Variants in ROBO1 observed in about 807,000 individuals in gnomAD.
ROBO1 encodes roundabout homolog 1.
In ROBO1, 149 loss-of-function variants were observed where a neutral mutation model predicts 195.9. The ratio of observed to expected loss-of-function variants is 0.76; its 90% CI spans 0.67 to 0.87. ROBO1 has a LOEUF of 0.87. Among genes scored for constraint, ROBO1 ranks in the 40% least tolerant of loss-of-function variants. The pLI is 0.00. For synonymous variants in ROBO1, 816 were observed against 733.2 expected (o/e 1.11, Z -1.82); for missense variants, 1,933 against 2,068.3 (o/e 0.93, Z 1.27).
chr3:79,150,326 T>C (rs558906782), intron 2 of ROBO1, among the ~76,000 whole-genome samples: 1 of 151,614 alleles, frequency 6.6e-6, no homozygotes, highest in African/African-American at 2.4e-5. Flanking sequence ...AGACCAGAAA[T>C]CACAAGTCCA....
chr3:79,083,498 G>T (rs867532545), intron 3 of ROBO1, among the ~76,000 whole-genome samples: 1 of 152,028 alleles, frequency 6.6e-6, no homozygotes, highest in South Asian at 2.1e-4. Context: ...AAATAAACTG[G>T]CTGGAAAGCA....
chr3:78,669,843 G>A (rs1390519364), intron 11 of ROBO1, among the ~76,000 whole-genome samples: 2 of 151,874 alleles, frequency 1.3e-5, no homozygotes, highest in Non-Finnish European at 2.9e-5. Flanking sequence ...TACTTTCCTC[G>A]GTAGGTTCTT....
chr3:79,475,780 A>T (rs1448729275), intron 2 of ROBO1, among the ~76,000 whole-genome samples: 1 of 152,104 alleles, frequency 6.6e-6, no homozygotes, highest in African/African-American at 2.4e-5. Context: ...TAAAATGTGC[A>T]TAAGAGTTCT....
At position 78,598,859 on chromosome 3, in the gene ROBO1, A is replaced by C; in HGVS notation, c.*54T>G. On this transcript the variant is annotated 3_prime_UTR_variant, in exon 31 of 31. Transcript: ENST00000464233. Reference sequence around the variant, plus strand: ...CTGGCGTCATGTGTCATCTGACAGGAGGCATCTTGAGTGATGATTTTCACA... The same window carrying C: ...CTGGCGTCATGTGTCATCTGACAGGCGGCATCTTGAGTGATGATTTTCACA... 7.9e-7 allele frequency: 1 copy of C among 1,272,296 alleles called. No homozygotes were observed. The highest frequency in any genetic ancestry group is 1.1e-6 in the Non-Finnish European group (1 of 904,246). The allele number at this position is 1,272,296 out of a possible 1,614,324, so 78.8% of individuals were successfully genotyped here.
At chr3:79,533,191 T>C (rs899889084) in intron 2 of ROBO1, 5 of 263,270 alleles carry the variant, frequency 1.9e-5, no homozygotes, top group Non-Finnish European at 3.1e-5. Context: ...AACTCTATGA[T>C]TTAGATCTTT....
intron 21 of ROBO1, among the ~76,000 whole-genome samples, chr3:78,642,600 C>T (rs865958561): frequency 3.4e-4 from 52 of 152,188 alleles, no homozygotes; most frequent in African/African-American, 1.2e-3. Context: ...CAGGTTTTCT[C>T]TGCTTTCTTG....
chr3:79,121,276 T>C (rs2080111261), intron 3 of ROBO1, among the ~76,000 whole-genome samples: 2 of 152,086 alleles, frequency 1.3e-5, no homozygotes, highest in African/African-American at 2.4e-5. Context: ...GTTTGAATGG[T>C]GAAGCAATAC....
chr3:78,744,593 CT>C (rs1456192086), intron 5 of ROBO1, among the ~76,000 whole-genome samples: 2 of 152,176 alleles, frequency 1.3e-5, no homozygotes, highest in Admixed American at 1.3e-4. Context: ...TGATTTTTTA[CT>C]CTCTAGTGAA....
intron 2 of ROBO1, among the ~76,000 whole-genome samples, chr3:79,373,281 T>C (rs1330684520): frequency 2.2e-5 from 3 of 139,462 alleles, no homozygotes; most frequent in Admixed American, 6.9e-5. Context: ...GTAAAACACG[T>C]TTTTTTTTTC....
At chr3:79,004,921 C>T (rs1044426889) in intron 3 of ROBO1, among the ~76,000 whole-genome samples, 2 of 152,152 alleles carry the variant, frequency 1.3e-5, no homozygotes, top group African/African-American at 4.8e-5. Flanking sequence ...AATAGAGTTA[C>T]GGTCCCAGGG....
rs28821486 is a variant in ROBO1, at chr3:79,700,303, T to G, written c.-51+67449A>C. 4.3e-4 allele frequency among the ~76,000 whole-genome samples: 32 copies of G among 74,266 alleles called. No individual in the cohort carries two copies. In the South Asian group the frequency reaches 0.012, roughly 27 times the overall value. 48.7% of individuals were successfully genotyped at this position (74,266 alleles called of 152,430 possible). On this transcript the variant is annotated intron_variant, in intron 1 of 30. Coordinates refer to ENST00000464233, the MANE Select transcript of ROBO1 (RefSeq NM_002941.4). ...GTGATGAACACGTGTGTGTGTGTGT[T>G]TGTGTGTGTGTGTTTGTGTGTGTGT...
chr3:79,575,155 T>C, intron 2 of ROBO1, among the ~76,000 whole-genome samples: 1 of 134,816 alleles, frequency 7.4e-6, no homozygotes, highest in South Asian at 2.2e-4. Flanking sequence ...TATAAATATA[T>C]ATATAACAAA....
At chr3:78,702,034 T>C (rs542238400) in intron 8 of ROBO1, among the ~76,000 whole-genome samples, 1 of 152,360 alleles carries the variant, frequency 6.6e-6, no homozygotes, top group Non-Finnish European at 1.5e-5. Flanking sequence ...TGTGAACTTC[T>C]AATTTATACA....
chr3:78,711,341 T>TTCC (rs1559772558), intron 8 of ROBO1, among the ~76,000 whole-genome samples: 18 of 109,852 alleles, frequency 1.6e-4, no homozygotes, highest in East Asian at 1.2e-3. Context: ...CCTTCCTTCC[T>TTCC]TCCTTCCTCC....
chr3:79,004,511 GTA>G (rs1576548580), intron 3 of ROBO1, among the ~76,000 whole-genome samples: 1 of 152,150 alleles, frequency 6.6e-6, no homozygotes, highest in African/African-American at 2.4e-5. Context: ...GGCAAAGACA[GTA>G]TGTAGAGGAT....
At chr3:78,915,100 T>C (rs1434065634) in intron 4 of ROBO1, among the ~76,000 whole-genome samples, 1 of 152,134 alleles carries the variant, frequency 6.6e-6, no homozygotes, top group Non-Finnish European at 1.5e-5. Flanking sequence ...TGTGGCATGA[T>C]AAAGTAATGA....
At chr3:79,417,942 C>T (rs935870838) in intron 2 of ROBO1, among the ~76,000 whole-genome samples, 3 of 152,052 alleles carry the variant, frequency 2.0e-5, no homozygotes, top group African/African-American at 7.2e-5. Context: ...TGTATCACGA[C>T]CAGATTATTA....
At chr3:79,350,186 A>G (rs2035284227) in intron 2 of ROBO1, among the ~76,000 whole-genome samples, 1 of 152,226 alleles carries the variant, frequency 6.6e-6, no homozygotes, top group Non-Finnish European at 1.5e-5. Flanking sequence ...TTTTATATAC[A>G]TAAAAAAGAT....
At chr3:79,331,606 TG>T (rs2034440863) in intron 2 of ROBO1, among the ~76,000 whole-genome samples, 2 of 152,172 alleles carry the variant, frequency 1.3e-5, no homozygotes, top group African/African-American at 4.8e-5. Context: ...CATGTAATGA[TG>T]ATTGAGAAAT....
Sources: allele counts gnomAD v4.1 joint callset (sites outside exome capture counted in the v4.1 genomes callset), GRCh38; gene constraint gnomAD v4.1.1; transcripts MANE v1.5; gene names NCBI Gene and HGNC (gene_info 2026-07-23, HGNC 2026-07-21).